Variants in CFAP47 observed in about 807,000 individuals in gnomAD.
The protein encoded by CFAP47 is cilia- and flagella-associated protein 47.
Under a neutral mutation model 148.1 loss-of-function variants are expected in CFAP47, and 29 were observed. The ratio of observed to expected loss-of-function variants is 0.20; its 90% CI spans 0.15 to 0.27. The LOEUF (loss-of-function observed/expected upper bound fraction) is 0.27. CFAP47 is among the 10% of genes least tolerant of loss of function. The probability of loss-of-function intolerance (pLI) is 1.00; values close to 1 mark genes in which losing one functional copy is unlikely to be tolerated. For missense variants in CFAP47, 1,872 were observed against 1,697.5 expected (o/e 1.10, Z -1.81); for synonymous variants, 664 against 577.3 (o/e 1.15, Z -2.15).
At chrX:35,929,272 C>T (rs971930907) in intron 2 of CFAP47, among the ~76,000 whole-genome samples, 1 of 111,100 alleles carries the variant, frequency 9.0e-6, no homozygotes, top group African/African-American at 3.3e-5. Flanking sequence ...TATAGTAATT[C>T]TCCCCAAACA....
intron 33 of CFAP47, among the ~76,000 whole-genome samples, chrX:36,120,918 G>A (rs756882487): frequency 9.0e-6 from 1 of 111,248 alleles, no homozygotes; most frequent in Non-Finnish European, 1.9e-5. Flanking sequence ...TTTCTTTGTT[G>A]ATTTTCTGTC....
chrX:36,001,894 G>C (rs1016948025), intron 21 of CFAP47, among the ~76,000 whole-genome samples, 187 bp downstream of exon 21: 6 of 111,630 alleles, frequency 5.4e-5, no homozygotes, highest in Non-Finnish European at 9.4e-5. Flanking sequence ...AGTGCCTCAA[G>C]AGGAGTGGAG....
intron 16 of CFAP47, among the ~76,000 whole-genome samples, chrX:35,990,915 A>G (rs1936781920): frequency 9.0e-6 from 1 of 111,608 alleles, no homozygotes; most frequent in Non-Finnish European, 1.9e-5. Flanking sequence ...TGAAAAATAT[A>G]TTTTTTATAG....
intron 54 of CFAP47, among the ~76,000 whole-genome samples, chrX:36,304,448 T>C (rs980597206): frequency 1.8e-5 from 2 of 111,276 alleles, no homozygotes; most frequent in African/African-American, 6.5e-5. Flanking sequence ...TTTTAATTTA[T>C]CTACAAAACA....
chrX:36,264,246 A>C (rs782359806), intron 49 of CFAP47, among the ~76,000 whole-genome samples: 1 of 111,639 alleles, frequency 9.0e-6, no homozygotes, highest in East Asian at 2.8e-4. Context: ...CAGTGATGCC[A>C]GCTCTCCCTC....
At chrX:35,969,831 A>G (rs1936461753) in intron 10 of CFAP47, among the ~76,000 whole-genome samples, 1 of 112,254 alleles carries the variant, frequency 8.9e-6, no homozygotes, top group Non-Finnish European at 1.9e-5. Flanking sequence ...TATTACTGTA[A>G]ACATTGAGGA....
intron 33 of CFAP47, among the ~76,000 whole-genome samples, chrX:36,137,442 C>A (rs1042431726): frequency 8.1e-5 from 9 of 111,000 alleles, no homozygotes; most frequent in Non-Finnish European, 1.5e-4. Context: ...TTTTACTACT[C>A]CTCCATCCTG....
chrX:36,131,329 CTGTT>C (rs750285519), intron 33 of CFAP47, among the ~76,000 whole-genome samples: 16 of 111,132 alleles, frequency 1.4e-4, no homozygotes, highest in East Asian at 5.6e-4. Flanking sequence ...CTTTGCAAAA[CTGTT>C]TGGTAGTTTC....
chrX:36,161,998 G>A (rs1304955530), intron 39 of CFAP47, among the ~76,000 whole-genome samples: 2 of 112,041 alleles, frequency 1.8e-5, no homozygotes, highest in African/African-American at 6.5e-5. Context: ...CCCTTAAGTA[G>A]ACCAAATGAC....
At chrX:36,204,177 A>G (rs994308820) in intron 44 of CFAP47, among the ~76,000 whole-genome samples, 11 of 111,083 alleles carry the variant, frequency 9.9e-5, no homozygotes, top group Non-Finnish European at 2.1e-4. Flanking sequence ...TAGGTTGCAA[A>G]AATTTTCTCC....
intron 45 of CFAP47, among the ~76,000 whole-genome samples, chrX:36,223,195 G>A (rs897612891): frequency 9.0e-6 from 1 of 110,877 alleles, no homozygotes; most frequent in Non-Finnish European, 1.9e-5. Context: ...TTACAGAACC[G>A]TGAGCAAATT....
intron 41 of CFAP47, among the ~76,000 whole-genome samples, chrX:36,189,254 C>T (rs781968373): frequency 3.6e-5 from 4 of 110,792 alleles, no homozygotes; most frequent in East Asian, 2.9e-4. Flanking sequence ...CTCTAGCTCG[C>T]GGTCAAATGG....
chrX:36,354,741 CA>C (rs1203521759), intron 60 of CFAP47, among the ~76,000 whole-genome samples: 1 of 110,387 alleles, frequency 9.1e-6, no homozygotes, highest in African/African-American at 3.3e-5. Flanking sequence ...CCAGACTTAC[CA>C]AAGCCTTTAG....
intron 51 of CFAP47, among the ~76,000 whole-genome samples, chrX:36,294,569 A>G (rs1941223744): frequency 9.1e-6 from 1 of 109,936 alleles, no homozygotes; most frequent in Non-Finnish European, 1.9e-5. Flanking sequence ...AAAATTAGCC[A>G]GGCATGGTGG....
chrX:35,951,910 A>T lies in CFAP47; in HGVS notation c.993A>T (p.Glu331Asp). Residue 331 changes from glutamate to aspartate, a missense_variant, in exon 6 of 64, where the codon GAA becomes GAT. Physicochemically the swap from Glu to Asp is conservative, Grantham distance 45 (BLOSUM62 2). Transcript: ENST00000378653. ...TTIIISCLPN[E>D]GTLQPYQKTV... is the part of the protein sequence containing the mutation. ...TCATTATCTCCTGTCTTCCTAATGAAGGGACTTTACAACCTTATCAAAAGA... is the reference window on the plus strand; with the variant it reads ...TCATTATCTCCTGTCTTCCTAATGATGGGACTTTACAACCTTATCAAAAGA... 4 of 1,178,769 alleles carry T rather than the reference A, an allele frequency of 3.4e-6. No individual in the cohort carries two copies. In the Admixed American group the frequency reaches 1.1e-4, roughly 34 times the overall value.
At chrX:35,922,932 G>A (rs1397504617) in intron 1 of CFAP47, among the ~76,000 whole-genome samples, 1 of 111,132 alleles carries the variant, frequency 9.0e-6, no homozygotes, top group Non-Finnish European at 1.9e-5. Context: ...CCTATAATGA[G>A]CACCTTCCTC....
intron 25 of CFAP47, among the ~76,000 whole-genome samples, chrX:36,046,049 C>T (rs1241257972): frequency 1.8e-5 from 2 of 111,002 alleles, no homozygotes; most frequent in Non-Finnish European, 1.9e-5. Flanking sequence ...TTCAAGGTAG[C>T]GTATAGGTTT....
At chrX:36,125,925 T>C (rs749528597) in intron 33 of CFAP47, among the ~76,000 whole-genome samples, 5 of 111,388 alleles carry the variant, frequency 4.5e-5, no homozygotes, top group Non-Finnish European at 7.5e-5. Flanking sequence ...GCGTTATAAA[T>C]ATGTGTAACA....
chrX:36,328,336 A>C (rs2146970907), intron 57 of CFAP47, among the ~76,000 whole-genome samples: 1 of 112,055 alleles, frequency 8.9e-6, no homozygotes, highest in Admixed American at 9.5e-5. Flanking sequence ...GAAGCGTATT[A>C]TGTTTATTGA....
Sources: gnomAD v4.1 joint callset for allele counts (sites outside exome capture counted in the v4.1 genomes callset) on GRCh38, gnomAD v4.1.1 for gene constraint, MANE v1.5 for transcripts, NCBI Gene and HGNC (gene_info 2026-07-23, HGNC 2026-07-21) for gene names.